The following OPCML variants were observed in gnomAD, a reference collection of about 807,000 sequenced individuals.
OPCML encodes opioid-binding protein/cell adhesion molecule.
In OPCML, 13 loss-of-function variants were observed where a neutral mutation model predicts 37.8. That is an observed-to-expected ratio of 0.34 (90% CI 0.22 to 0.55). OPCML has a LOEUF of 0.55. Among genes scored for constraint, OPCML ranks in the 20% least tolerant of loss-of-function variants. OPCML has a pLI of 0.91. For missense variants in OPCML, 341 were observed against 435.6 expected (o/e 0.78, Z 1.93); for synonymous variants, 176 against 168.8 (o/e 1.04, Z -0.33).
chr11:132,496,323 T>C (rs1366630822), intron 4 of OPCML, among the ~76,000 whole-genome samples: 1 of 152,252 alleles, frequency 6.6e-6, no homozygotes, highest in Non-Finnish European at 1.5e-5. Context: ...TTTTATAGCA[T>C]GCTGGTAATA....
intron 1 of OPCML, among the ~76,000 whole-genome samples, chr11:133,113,997 G>T (rs887208283): frequency 6.6e-6 from 1 of 152,188 alleles, no homozygotes; most frequent in Non-Finnish European, 1.5e-5. Flanking sequence ...CTATGATTAC[G>T]CTGTTGTCTA....
chr11:133,141,608 C>T (rs1949824856), intron 1 of OPCML, among the ~76,000 whole-genome samples: 1 of 152,118 alleles, frequency 6.6e-6, no homozygotes, highest in South Asian at 2.1e-4. Context: ...TGAATCTCAC[C>T]TTTCTCCTGC....
At chr11:133,010,742 C>G (rs1947197723) in intron 1 of OPCML, among the ~76,000 whole-genome samples, 1 of 152,090 alleles carries the variant, frequency 6.6e-6, no homozygotes, top group South Asian at 2.1e-4. Flanking sequence ...AGATTAAAAG[C>G]AGGATGCAAG....
intron 1 of OPCML, among the ~76,000 whole-genome samples, chr11:133,498,105 G>C (rs1018956403): frequency 2.6e-5 from 4 of 152,218 alleles, no homozygotes; most frequent in African/African-American, 4.8e-5. Flanking sequence ...GAGAGGAGAG[G>C]AGAGGGTGCC....
chr11:132,501,941 G>A (rs953276909), intron 4 of OPCML, among the ~76,000 whole-genome samples: 5 of 152,122 alleles, frequency 3.3e-5, no homozygotes, highest in Non-Finnish European at 5.9e-5. Context: ...GTTTCTGTGC[G>A]AACTATAAGG....
intron 1 of OPCML, among the ~76,000 whole-genome samples, chr11:133,057,400 G>C (rs1461637683): frequency 6.6e-6 from 1 of 152,198 alleles, no homozygotes; most frequent in Non-Finnish European, 1.5e-5. Context: ...CTCTTCGACT[G>C]ATTGCCCAGT....
At chr11:132,463,681 C>T (rs553228548) in intron 4 of OPCML, among the ~76,000 whole-genome samples, 1 of 152,314 alleles carries the variant, frequency 6.6e-6, no homozygotes, top group South Asian at 2.1e-4. Flanking sequence ...CATCTTCTCA[C>T]CTGCCAATGG....
intron 4 of OPCML, among the ~76,000 whole-genome samples, chr11:132,445,012 C>A (rs374276283): frequency 6.6e-5 from 10 of 152,234 alleles, no homozygotes; most frequent in Admixed American, 5.9e-4. Flanking sequence ...CACTTGCTGG[C>A]GGTGACAGAA....
chr11:132,705,908 A>G (rs1944014156), intron 2 of OPCML, among the ~76,000 whole-genome samples: 1 of 152,126 alleles, frequency 6.6e-6, no homozygotes, highest in Non-Finnish European at 1.5e-5. Flanking sequence ...CCCGGGTTCA[A>G]GTGATTCTCC....
intron 1 of OPCML, among the ~76,000 whole-genome samples, chr11:133,057,997 G>C (rs765812938): frequency 3.9e-5 from 6 of 152,188 alleles, no homozygotes; most frequent in Non-Finnish European, 7.3e-5. Context: ...TTCCGCACTA[G>C]ACTAGGAATA....
chr11:132,756,285 G>A (rs1408436024), intron 2 of OPCML, among the ~76,000 whole-genome samples: 4 of 152,126 alleles, frequency 2.6e-5, no homozygotes, highest in Non-Finnish European at 4.4e-5. Flanking sequence ...AATCATTAGT[G>A]GGGCACCAAG....
intron 1 of OPCML, among the ~76,000 whole-genome samples, chr11:133,430,481 AAT>A (rs1946093879): frequency 6.6e-6 from 1 of 152,362 alleles, no homozygotes; most frequent in South Asian, 2.1e-4. Flanking sequence ...ACTTACAGAC[AAT>A]ATAGGTGAAT....
At chr11:133,462,394 G>GA (rs1946878856) in intron 1 of OPCML, among the ~76,000 whole-genome samples, 1 of 152,062 alleles carries the variant, frequency 6.6e-6, no homozygotes, top group African/African-American at 2.4e-5. Context: ...TCATCAGAGT[G>GA]AAACTGCAAC....
At chr11:132,979,053 G>A (rs1184862269) in intron 1 of OPCML, among the ~76,000 whole-genome samples, 1 of 152,042 alleles carries the variant, frequency 6.6e-6, no homozygotes, top group African/African-American at 2.4e-5. Context: ...AATCAGCCTT[G>A]ACTCTTTCCA....
chr11:133,049,049 C>T (rs1170503780), intron 1 of OPCML, among the ~76,000 whole-genome samples: 1 of 152,178 alleles, frequency 6.6e-6, no homozygotes, highest in Non-Finnish European at 1.5e-5. Flanking sequence ...ATGTGGCAGA[C>T]TTCACTCTTA....
intron 1 of OPCML, among the ~76,000 whole-genome samples, chr11:133,408,030 ACAT>A (rs1328289485): frequency 6.6e-6 from 1 of 152,160 alleles, no homozygotes; most frequent in Admixed American, 6.5e-5. Flanking sequence ...CCCTCTCTTA[ACAT>A]CATCAATAGG....
chr11:132,996,742 C>T (rs1280443625), intron 1 of OPCML, among the ~76,000 whole-genome samples: 1 of 151,950 alleles, frequency 6.6e-6, no homozygotes, highest in Non-Finnish European at 1.5e-5. Context: ...GTGCCTGGCA[C>T]AAACAGCTCC....
At chr11:133,235,232 G>T (rs769065328) in intron 1 of OPCML, among the ~76,000 whole-genome samples, 13 of 152,258 alleles carry the variant, frequency 8.5e-5, no homozygotes, top group South Asian at 2.1e-4. Context: ...CCTCTGAAGA[G>T]TCCCCCAAAG....
At chr11:133,421,091 C>T (rs901478217) in intron 1 of OPCML, 5 of 985,324 alleles carry the variant, frequency 5.1e-6, no homozygotes, top group Non-Finnish European at 6.0e-6. Flanking sequence ...ACATAATCTG[C>T]GGTCAGCAGG....
Sources: allele counts gnomAD v4.1 joint callset (sites outside exome capture counted in the v4.1 genomes callset), GRCh38; gene constraint gnomAD v4.1.1; transcripts MANE v1.5; gene names NCBI Gene and HGNC (gene_info 2026-07-23, HGNC 2026-07-21).